The following NBPF8 variants were observed in gnomAD, a reference collection of about 807,000 sequenced individuals.
NBPF8 encodes the protein NBPF member 8.
intron 3 of NBPF8, among the ~76,000 whole-genome samples, chr1:120,428,565 A>G (rs1262429633): frequency 2.0e-5 from 3 of 152,148 alleles, no homozygotes; most frequent in African/African-American, 7.2e-5. Context: ...AGGCAGGTTT[A>G]TTGAAAAGGT....
intron 23 of NBPF8, 72 bp downstream of exon 21, chr1:120,464,620 G>A (rs1345561130): frequency 9.0e-6 from 7 of 778,374 alleles, no homozygotes; most frequent in East Asian, 2.4e-5. Context: ...CCTGCTCCAA[G>A]TGGCCATTAC....
intron 2 of NBPF8, among the ~76,000 whole-genome samples, chr1:120,426,784 C>T (rs1419161405): frequency 4.7e-4 from 72 of 152,134 alleles, no homozygotes; most frequent in Admixed American, 1.2e-3. Context: ...AACAGCTTAT[C>T]TGCCTCTAAT....
chr1:120,463,246 A>G (rs1661643637), intron 21 of NBPF8, among the ~76,000 whole-genome samples: 1 of 143,748 alleles, frequency 7.0e-6, no homozygotes, highest in African/African-American at 2.7e-5. Flanking sequence ...AATTCACAGA[A>G]GTATGATTTG....
upstream of NBPF8, among the ~76,000 whole-genome samples, chr1:120,415,659 C>T (rs1294430109): frequency 6.6e-6 from 1 of 152,244 alleles, no homozygotes; most frequent in East Asian, 1.9e-4. Flanking sequence ...CGAGACCACT[C>T]GCGCCCCTGA....
rs1360001762 is a variant in NBPF8, at chr1:120,466,009, C to G, written n.3600C>G. The G allele has an allele frequency of 9.3e-6, 15 of 1,611,728 alleles. No individual in the cohort carries two copies. The African/African-American group carries it at 1.2e-4, about 13-fold the overall frequency. On this transcript the variant is annotated non_coding_transcript_exon_variant, in exon 25 of 25. Transcript: ENST00000583271. ...CAGCGTGCTGATGGAAGTGGAAGAG[C>G]CTGAAGTCTTACAGGACTCACTGGA...
chr1:120,465,351 TCAAAACCCAC>T, exon 24 of NBPF8: 2 of 636,312 alleles, frequency 3.1e-6, no homozygotes, highest in Non-Finnish European at 5.7e-6. Context: ...GGGAAGAAGA[TCAAAACCCAC>T]CATGCCCCAG....
At chr1:120,461,142 A>G in intron 18 of NBPF8, 112 bp from the exon 17 acceptor site, 1 of 620,268 alleles carries the variant, frequency 1.6e-6, no homozygotes, top group South Asian at 1.8e-5. Context: ...TCATTAATGG[A>G]TCTGTCCTTT....
chr1:120,415,571 C>T (rs1660411140), upstream of NBPF8, among the ~76,000 whole-genome samples: 1 of 152,120 alleles, frequency 6.6e-6, no homozygotes, highest in Admixed American at 6.5e-5. Flanking sequence ...GGCACGTCCT[C>T]GTGTATCCTG....
At chr1:120,416,994 T>G (rs1379286601), upstream of NBPF8, among the ~76,000 whole-genome samples, 1 of 123,420 alleles carries the variant, frequency 8.1e-6, no homozygotes, top group Non-Finnish European at 1.7e-5. Flanking sequence ...TTATCCAGTT[T>G]TCATTGATAT....
At chr1:120,429,868 CT>C (rs1371428250) in intron 3 of NBPF8, among the ~76,000 whole-genome samples, 59 of 149,490 alleles carry the variant, frequency 3.9e-4, no homozygotes, top group African/African-American at 1.4e-3. Flanking sequence ...TGCCCGGCCT[CT>C]TTTTTATATT....
intron 20 of NBPF8, 108 bp downstream of exon 18, chr1:120,462,305 A>T (rs1332719277): frequency 0.59 from 368,362 of 627,050 alleles, 128,978 homozygotes; most frequent in African/African-American, 0.9. Flanking sequence ...GAAGGTTGAA[A>T]TACTCCTCCT....
exon 25 of NBPF8, chr1:120,467,684 T>C (rs1363814155): frequency 1.3e-5 from 2 of 150,936 alleles, no homozygotes; most frequent in Non-Finnish European, 2.9e-5. Context: ...TGCCTGAGTT[T>C]TAATTTTTGT....
chr1:120,433,297 T>A (rs1463213655), upstream of NBPF8: 3 of 152,564 alleles, frequency 2.0e-5, no homozygotes, highest in Non-Finnish European at 4.4e-5. Flanking sequence ...AACCTGATTT[T>A]AAAGCTACAG....
At chr1:120,420,818 G>A (rs1353595671) in intron 1 of NBPF8, among the ~76,000 whole-genome samples, 1 of 149,248 alleles carries the variant, frequency 6.7e-6, no homozygotes, top group Non-Finnish European at 1.5e-5. Flanking sequence ...CTCTGGGCTA[G>A]AGACCCCATA....
intron 12 of NBPF8, among the ~76,000 whole-genome samples, chr1:120,451,644 G>T (rs879040510): frequency 8.9e-5 from 13 of 145,940 alleles, no homozygotes; most frequent in Non-Finnish European, 1.2e-4. Flanking sequence ...ACTGACTGCG[G>T]CTTCTCATTC....
upstream of NBPF8, among the ~76,000 whole-genome samples, chr1:120,418,685 G>T (rs1202112420): frequency 1.2e-5 from 1 of 80,672 alleles, no homozygotes; most frequent in Non-Finnish European, 2.2e-5. Flanking sequence ...TTAGTAGCTG[G>T]TTCTACAGGC....
intron 16 of NBPF8, among the ~76,000 whole-genome samples, chr1:120,456,686 C>T (rs1661445201): frequency 7.0e-6 from 1 of 142,476 alleles, no homozygotes; most frequent in Non-Finnish European, 1.5e-5. Context: ...TTCCTGAGTA[C>T]AGCACACTGA....
chr1:120,466,191 C>G (rs1265438339), exon 25 of NBPF8: 12 of 1,608,960 alleles, frequency 7.5e-6, no homozygotes, highest in Admixed American at 5.0e-5. Context: ...TCTATCTGGT[C>G]TTCCAGATGG....
intron 17 of NBPF8, among the ~76,000 whole-genome samples, chr1:120,459,854 C>T (rs1294095215): frequency 4.6e-5 from 7 of 152,048 alleles, no homozygotes; most frequent in Non-Finnish European, 8.8e-5. Flanking sequence ...CAGCTCAGCT[C>T]ATCTGAATTA....
Sources: gnomAD v4.1 joint callset for allele counts (sites outside exome capture counted in the v4.1 genomes callset) on GRCh38, gnomAD v4.1.1 for gene constraint, MANE v1.5 for transcripts, NCBI Gene and HGNC (gene_info 2026-07-23, HGNC 2026-07-21) for gene names.